The following BLNK variants were observed in gnomAD, a reference collection of about 807,000 sequenced individuals.
BLNK encodes the protein B-cell linker protein.
Under a neutral mutation model 73.5 loss-of-function variants are expected in BLNK, and 29 were observed. The ratio of observed to expected loss-of-function variants is 0.39; its 90% CI spans 0.29 to 0.54. The LOEUF (loss-of-function observed/expected upper bound fraction) is 0.54. Among genes scored for constraint, BLNK ranks in the 20% least tolerant of loss-of-function variants. BLNK has a pLI of 0.61. For synonymous variants in BLNK, 176 were observed against 200.8 expected, an observed-to-expected ratio of 0.88 and a Z score of 1.04; for missense variants, 460 against 562.8, an observed-to-expected ratio of 0.82 and a Z score of 1.85.
At chr10:96,201,265 T>G (rs2083626329) in intron 13 of BLNK, among the ~76,000 whole-genome samples, 1 of 152,186 alleles carries the variant, frequency 6.6e-6, no homozygotes. Flanking sequence ...TCTTTTTGAA[T>G]TACCTATCAC....
In BLNK at chr10:96,210,242, A is replaced by G; in HGVS notation, c.677-335T>C. On this transcript the variant is annotated intron_variant, in intron 8 of 16. Coordinates refer to ENST00000224337, the MANE Select transcript of BLNK (RefSeq NM_013314.4). ...CTGAGGACTCAGTGAGGACCCCCAC[A>G]GAGGTCCTTCAGGAAGGGAGCCAAC... is the stretch of plus-strand genomic sequence containing the variant. 2 of 385,202 alleles carry G rather than the reference A, an allele frequency of 5.2e-6. 1 individual carries two copies. The highest frequency in any genetic ancestry group is 4.5e-5 in the South Asian group (2 of 44,258). The allele number at this position is 385,202 out of a possible 1,614,324, so 23.9% of individuals were successfully genotyped here. A position where few individuals can be genotyped will look rare whatever the true frequency, so the allele number is the denominator to read the frequency against.
At chr10:96,219,120 C>T (rs374673525) in intron 6 of BLNK, among the ~76,000 whole-genome samples, 8 of 152,322 alleles carry the variant, frequency 5.3e-5, no homozygotes, top group Admixed American at 1.3e-4. Context: ...CGTCTCTGGC[C>T]CCACAGTGTC....
At chr10:96,216,161 G>T (rs1225025065) in intron 7 of BLNK, 6 of 185,186 alleles carry the variant, frequency 3.2e-5, no homozygotes, top group South Asian at 2.4e-4. Context: ...TAATTCATTG[G>T]TCATAGCATT....
chr10:96,207,916 G>C lies in BLNK; in HGVS notation c.747-17C>G, dbSNP rs1176495438. The C allele has an allele frequency of 1.9e-6, 3 of 1,613,438 alleles. No homozygotes were observed. In the African/African-American group the frequency reaches 4.0e-5, roughly 22 times the overall value. The stretch of plus-strand genomic sequence containing the variant: ...GGTTTTTTCCTGGGGAATAAAAAGA[G>C]ATGAGCTTTGTTAAAACACAACGAA... On this transcript the variant is annotated splice_polypyrimidine_tract_variant and intron_variant, in intron 9 of 16. Transcript: ENST00000224337.
rs12761346 is a variant in BLNK at position 96,215,516 on chromosome 10, T to C, written c.608-127A>G. 139,653 of 788,154 alleles carry C rather than the reference T, an allele frequency of 0.18. 13,566 individuals are homozygous for C. Among genetic ancestry groups the C allele is most frequent in the Non-Finnish European group, 0.21 (105,566 of 495,470 alleles). 48.8% of individuals were successfully genotyped at this position (788,154 alleles called of 1,614,324 possible). On this transcript the variant is annotated intron_variant, in intron 7 of 16. Coordinates refer to ENST00000224337, the MANE Select transcript of BLNK (RefSeq NM_013314.4). Reference sequence around the variant, plus strand: ...ACCAGACCAGAGAATTTGCAAAGAATGGGAGACACCCTTATTAGACACACA... The same window carrying C: ...ACCAGACCAGAGAATTTGCAAAGAACGGGAGACACCCTTATTAGACACACA...
In BLNK at chr10:96,261,797, A is replaced by G. The variant is rs555955335; in HGVS notation, c.47+9555T>C. ...CTCATAGTTATTTGCAGTGCAATGA[A>G]ATACTCTTCCTAGTATGTTCAATAT... On this transcript the variant is annotated intron_variant, in intron 1 of 16. Coordinates refer to ENST00000224337, the MANE Select transcript of BLNK (RefSeq NM_013314.4). 9.5e-4 allele frequency among the ~76,000 whole-genome samples: 145 copies of G among 152,340 alleles called. 1 individual carries two copies. Among genetic ancestry groups the G allele is most frequent in the African/African-American group, 3.2e-3 (135 of 41,576 alleles).
chr10:96,252,020 G>A (rs975346131), intron 1 of BLNK, among the ~76,000 whole-genome samples: 13 of 152,034 alleles, frequency 8.6e-5, no homozygotes, highest in East Asian at 3.8e-4. Flanking sequence ...TCTGTGGTGC[G>A]TCAGAAAATC....
chr10:96,261,655 A>G (rs1843760637), intron 1 of BLNK, among the ~76,000 whole-genome samples: 1 of 152,190 alleles, frequency 6.6e-6, no homozygotes. Context: ...GGCTGTAAAG[A>G]TCATCTAAAA....
At chr10:96,221,547 T>C (rs2084197468) in intron 6 of BLNK, among the ~76,000 whole-genome samples, 1 of 152,194 alleles carries the variant, frequency 6.6e-6, no homozygotes, top group Non-Finnish European at 1.5e-5. Flanking sequence ...TTTTTCCCAC[T>C]GGTGCAGACT....
At chr10:96,209,983 T>A in intron 8 of BLNK, 76 bp from the exon 9 acceptor site, 1 of 1,469,320 alleles carries the variant, frequency 6.8e-7, no homozygotes, top group African/African-American at 1.4e-5. Context: ...CTGGCCTCTC[T>A]GGCAGGCTCA....
intron 5 of BLNK, among the ~76,000 whole-genome samples, chr10:96,226,590 CA>C (rs1842271065): frequency 6.6e-6 from 1 of 152,146 alleles, no homozygotes; most frequent in Non-Finnish European, 1.5e-5. Flanking sequence ...CCTGTAATCC[CA>C]GCACTTTGGG....
intron 8 of BLNK, among the ~76,000 whole-genome samples, chr10:96,211,697 T>A (rs587634467): frequency 6.6e-6 from 1 of 152,320 alleles, no homozygotes; most frequent in African/African-American, 2.4e-5. Flanking sequence ...TGGGTCTGAT[T>A]TTTTGAAACA....
At position 96,192,003 on chromosome 10, in the gene BLNK, G is replaced by A; in HGVS notation, c.1341C>T (p.Thr447=). The change falls in exon 17 of 17, where the codon ACC becomes ACT. Residue 447 remains threonine, a synonymous_variant. Coordinates refer to ENST00000224337, the MANE Select transcript of BLNK (RefSeq NM_013314.4). The stretch of plus-strand genomic sequence containing the variant: ...AAACTTTAACTGCATACTTCAGTCT[G>A]GTGGAATCTTTTGTGTTATTCTGAC... The part of the protein sequence containing the change: ...IDSQNNTKDS[T]RLKYAVKVS 6.2e-7 allele frequency: 1 copy of A among 1,613,644 alleles called. No homozygotes were observed. The highest frequency in any genetic ancestry group is 1.3e-5 in the African/African-American group (1 of 74,984).
intron 1 of BLNK, among the ~76,000 whole-genome samples, chr10:96,258,070 T>C (rs572693683): frequency 6.6e-6 from 1 of 152,344 alleles, no homozygotes; most frequent in African/African-American, 2.4e-5. Flanking sequence ...CCCCCTCCAC[T>C]CTTTCTAAAG....
chr10:96,227,675 G>C (rs1554902881), intron 4 of BLNK, 109 bp from the exon 5 acceptor site: 2 of 1,551,690 alleles, frequency 1.3e-6, no homozygotes, highest in African/African-American at 1.4e-5. Context: ...GACAAGGCTT[G>C]GAGAGGTTGA....
intron 1 of BLNK, among the ~76,000 whole-genome samples, chr10:96,252,259 G>A (rs1028208534): frequency 6.6e-5 from 10 of 152,008 alleles, no homozygotes; most frequent in Non-Finnish European, 1.3e-4. Flanking sequence ...CATTATGTTG[G>A]CCAGGCTGGT....
intron 8 of BLNK, among the ~76,000 whole-genome samples, chr10:96,210,967 T>C (rs587757715): frequency 6.8e-6 from 1 of 147,522 alleles, no homozygotes; most frequent in Admixed American, 6.9e-5. Flanking sequence ...ACTCCTGGAC[T>C]CAAGTGATCC....
chr10:96,206,276 G>A (rs1407974786), intron 11 of BLNK, among the ~76,000 whole-genome samples: 2 of 152,054 alleles, frequency 1.3e-5, no homozygotes, highest in Non-Finnish European at 2.9e-5. Flanking sequence ...AATTAAATGG[G>A]TACAGGGCAT....
chr10:96,199,591 G>T, intron 15 of BLNK: 1 of 450,432 alleles, frequency 2.2e-6, no homozygotes, highest in Non-Finnish European at 4.5e-6. Flanking sequence ...AGAGAGGAGG[G>T]GATAGCAGTT....
Sources: gnomAD v4.1 joint callset for allele counts (sites outside exome capture counted in the v4.1 genomes callset) on GRCh38, gnomAD v4.1.1 for gene constraint, MANE v1.5 for transcripts, NCBI Gene and HGNC (gene_info 2026-07-23, HGNC 2026-07-21) for gene names.